The following FOCAD variants were observed in gnomAD, a reference collection of about 807,000 sequenced individuals.
FOCAD encodes focadhesin, also known as KIAA1797.
In FOCAD, 198 loss-of-function variants were observed where a neutral mutation model predicts 225.6. The observed-to-expected ratio is 0.88, with a 90% CI of 0.78 to 0.99. FOCAD has a LOEUF of 0.99. FOCAD is among the 50% of genes least tolerant of loss of function. The pLI, the probability that FOCAD is intolerant of heterozygous loss-of-function variation, is 0.00. For synonymous variants in FOCAD, 897 were observed against 755.0 expected (o/e 1.19, Z -3.08); for missense variants, 2,713 against 2,123.6 (o/e 1.28, Z -5.46).
chr9:20,678,497 C>T (rs1587200123), intron 2 of FOCAD, among the ~76,000 whole-genome samples: 1 of 152,192 alleles, frequency 6.6e-6, no homozygotes, highest in East Asian at 1.9e-4. Flanking sequence ...TTGTAAGCCA[C>T]TAAGTTCTGG....
intron 5 of FOCAD, among the ~76,000 whole-genome samples, chr9:20,746,640 T>A (rs1828059622): frequency 6.6e-6 from 1 of 152,226 alleles, no homozygotes; most frequent in Non-Finnish European, 1.5e-5. Context: ...ATTGGAAACA[T>A]TCAAGAGTGT....
chr9:20,773,423 T>G (rs1001384309), intron 8 of FOCAD, among the ~76,000 whole-genome samples: 2 of 152,192 alleles, frequency 1.3e-5, no homozygotes, highest in South Asian at 2.1e-4. Context: ...GCCCAAGTAT[T>G]CTCTATTTTA....
intron 35 of FOCAD, 78 bp from the exon 36 acceptor site, chr9:20,976,342 A>G: frequency 7.3e-7 from 1 of 1,372,820 alleles, no homozygotes; most frequent in African/African-American, 1.4e-5. Flanking sequence ...GCTAGAAGGA[A>G]AGAAGGAATT....
chr9:20,960,005 C>T (rs191253583), intron 35 of FOCAD, among the ~76,000 whole-genome samples: 10 of 152,248 alleles, frequency 6.6e-5, no homozygotes, highest in Non-Finnish European at 2.9e-5. Context: ...AAAAACTCCA[C>T]ATTCCTTTCA....
intron 15 of FOCAD, among the ~76,000 whole-genome samples, chr9:20,858,042 T>G (rs1261212335): frequency 1.0e-5 from 1 of 98,702 alleles, no homozygotes; most frequent in Non-Finnish European, 2.2e-5. Context: ...GATATTGGCC[T>G]GTAGTTCTCT....
chr9:20,784,347 C>G (rs954832229), intron 10 of FOCAD, among the ~76,000 whole-genome samples: 1 of 152,216 alleles, frequency 6.6e-6, no homozygotes, highest in Non-Finnish European at 1.5e-5. Context: ...AGGTCTAACA[C>G]TAGACCAGAG....
At chr9:20,668,715 A>G (rs951247582) in intron 2 of FOCAD, among the ~76,000 whole-genome samples, 11 of 152,360 alleles carry the variant, frequency 7.2e-5, no homozygotes, top group African/African-American at 2.4e-4. Flanking sequence ...GAACTGGCCT[A>G]CAGCTTGTAT....
At chr9:20,830,128 G>T (rs1055091854) in intron 15 of FOCAD, among the ~76,000 whole-genome samples, 2 of 151,856 alleles carry the variant, frequency 1.3e-5, no homozygotes, top group African/African-American at 4.8e-5. Flanking sequence ...TGTGTTTTTG[G>T]TGGTTGTGTT....
chr9:20,901,192 ATGTGTG>A (rs71334562), intron 21 of FOCAD, among the ~76,000 whole-genome samples: 7,317 of 105,612 alleles, frequency 0.069, 452 homozygotes, highest in African/African-American at 0.18. Flanking sequence ...TGTGGAAACA[ATGTGTG>A]TGTGTGTGTG....
At chr9:20,664,313 A>G (rs1265720174) in intron 2 of FOCAD, among the ~76,000 whole-genome samples, 1 of 149,110 alleles carries the variant, frequency 6.7e-6, no homozygotes, top group African/African-American at 2.5e-5. Context: ...ATCTAGTATG[A>G]CCATAGAAAC....
intron 11 of FOCAD, among the ~76,000 whole-genome samples, chr9:20,791,233 A>ACACT (rs931530743): frequency 2.5e-5 from 2 of 81,614 alleles, no homozygotes; most frequent in African/African-American, 8.4e-5. Context: ...ACACACACAC[A>ACACT]CACTCACACA....
chr9:20,708,685 C>T (rs1210518438), intron 1 of FOCAD, among the ~76,000 whole-genome samples: 3 of 151,452 alleles, frequency 2.0e-5, no homozygotes, highest in East Asian at 1.9e-4. Flanking sequence ...TGAGGATGGG[C>T]GGATCACTTG....
At chr9:20,992,808 C>G (rs926991710) in intron 42 of FOCAD, among the ~76,000 whole-genome samples, 3 of 152,006 alleles carry the variant, frequency 2.0e-5, no homozygotes, top group Admixed American at 1.3e-4. Flanking sequence ...GAAAAAAATA[C>G]AAAAATTAGC....
At chr9:20,759,140 A>T (rs78009709) in intron 6 of FOCAD, among the ~76,000 whole-genome samples, 5 of 152,184 alleles carry the variant, frequency 3.3e-5, no homozygotes, top group East Asian at 1.9e-4. Context: ...ATGGAAGAAC[A>T]TTCCATGCTC....
At chr9:20,964,947 G>A (rs1839129557) in intron 35 of FOCAD, among the ~76,000 whole-genome samples, 1 of 152,304 alleles carries the variant, frequency 6.6e-6, no homozygotes, top group South Asian at 2.1e-4. Flanking sequence ...CTAAGGAAAT[G>A]TGCTGATTTT....
intron 2 of FOCAD, among the ~76,000 whole-genome samples, chr9:20,662,079 G>C (rs1821744583): frequency 6.6e-6 from 1 of 152,156 alleles, no homozygotes; most frequent in African/African-American, 2.4e-5. Flanking sequence ...AAGAACTACT[G>C]AAAATATCTA....
At chr9:20,702,839 A>C (rs187146854) in intron 1 of FOCAD, among the ~76,000 whole-genome samples, 17 of 152,318 alleles carry the variant, frequency 1.1e-4, no homozygotes, top group African/African-American at 3.8e-4. Context: ...TGCTTAGCAC[A>C]TAGGAGATGT....
At chr9:20,951,277 T>G (rs1374503804) in intron 34 of FOCAD, among the ~76,000 whole-genome samples, 179 bp downstream of exon 34, 3 of 152,214 alleles carry the variant, frequency 2.0e-5, no homozygotes, top group Admixed American at 6.5e-5. Flanking sequence ...CAGGGTCATG[T>G]GACAGTAAGT....
intron 23 of FOCAD, among the ~76,000 whole-genome samples, chr9:20,916,650 TC>T (rs1833890480): frequency 6.6e-6 from 1 of 152,126 alleles, no homozygotes; most frequent in South Asian, 2.1e-4. Context: ...TATCTGTACA[TC>T]CCCCCTCAGT....
Sources: gnomAD v4.1 joint callset for allele counts (sites outside exome capture counted in the v4.1 genomes callset) on GRCh38, gnomAD v4.1.1 for gene constraint, MANE v1.5 for transcripts, NCBI Gene and HGNC (gene_info 2026-07-23, HGNC 2026-07-21) for gene names.